KAZN: variants seen among roughly 807,000 people sequenced by gnomAD.
KAZN encodes kazrin, periplakin interacting protein, also known as kazrin.
Under a neutral mutation model 87.4 loss-of-function variants are expected in KAZN, and 40 were observed. That is an observed-to-expected ratio of 0.46 (90% confidence interval 0.36 to 0.60). The LOEUF is 0.60. KAZN is among the 20% of genes least tolerant of loss of function. KAZN has a pLI of 0.00. For missense variants in KAZN, 898 were observed against 1,073.9 expected (o/e 0.84, Z 2.29); for synonymous variants, 466 against 458.3 (o/e 1.02, Z -0.22).
intron 1 of KAZN, among the ~76,000 whole-genome samples, chr1:13,954,278 G>A (rs146714343): frequency 1.8e-4 from 27 of 152,250 alleles, no homozygotes; most frequent in Middle Eastern, 3.4e-3. Context: ...ACACAAAACC[G>A]CATCATGTGT....
At chr1:14,883,005 G>A (rs1325935925) in intron 1 of KAZN, among the ~76,000 whole-genome samples, 1 of 152,044 alleles carries the variant, frequency 6.6e-6, no homozygotes, top group Admixed American at 6.6e-5. Context: ...AACTCAAAAA[G>A]TGGTTCTTGG....
intron 13 of KAZN, among the ~76,000 whole-genome samples, chr1:15,109,949 ATG>A (rs1408411085): frequency 9.9e-5 from 2 of 20,194 alleles, no homozygotes; most frequent in African/African-American, 3.2e-4. Context: ...GTGTTTGTGT[ATG>A]TGTTTGTATA....
At chr1:14,300,374 G>A (rs909921988) in intron 2 of KAZN, among the ~76,000 whole-genome samples, 2 of 152,026 alleles carry the variant, frequency 1.3e-5, no homozygotes, top group African/African-American at 4.8e-5. Context: ...TGGGACCACA[G>A]GTGCTCACTA....
At chr1:14,229,453 CAT>C (rs1022485877) in intron 2 of KAZN, among the ~76,000 whole-genome samples, 7 of 152,126 alleles carry the variant, frequency 4.6e-5, no homozygotes, top group South Asian at 2.1e-4. Flanking sequence ...GTCTGTGTAA[CAT>C]ATTTTATATA....
intron 1 of KAZN, among the ~76,000 whole-genome samples, chr1:14,841,607 A>G (rs1404672168): frequency 6.6e-6 from 1 of 152,062 alleles, no homozygotes; most frequent in Admixed American, 6.6e-5. Context: ...AGGGCTAGAT[A>G]CACCCCTCCC....
chr1:14,639,990 C>T (rs558386189), intron 1 of KAZN, among the ~76,000 whole-genome samples: 5 of 152,236 alleles, frequency 3.3e-5, no homozygotes, highest in African/African-American at 4.8e-5. Flanking sequence ...GATGGTGGCT[C>T]AGCAACGCTA....
At chr1:13,986,613 G>A (rs1421145606) in intron 1 of KAZN, among the ~76,000 whole-genome samples, 1 of 152,216 alleles carries the variant, frequency 6.6e-6, no homozygotes, top group Admixed American at 6.5e-5. Flanking sequence ...GTATACATCA[G>A]TAAGAGTTCT....
chr1:13,940,670 G>C (rs1420994348), intron 1 of KAZN, among the ~76,000 whole-genome samples: 1 of 152,134 alleles, frequency 6.6e-6, no homozygotes, highest in Non-Finnish European at 1.5e-5. Flanking sequence ...AGACACAACA[G>C]AAGAGATTAG....
chr1:14,985,797 T>C (rs1572987600), intron 2 of KAZN, among the ~76,000 whole-genome samples: 1 of 148,940 alleles, frequency 6.7e-6, no homozygotes, highest in Non-Finnish European at 1.5e-5. Context: ...AGGTCAAGAG[T>C]TCAAGACCAG....
chr1:14,332,723 G>A (rs1243795207), intron 2 of KAZN, among the ~76,000 whole-genome samples: 1 of 152,068 alleles, frequency 6.6e-6, no homozygotes, highest in Admixed American at 6.6e-5. Context: ...TATCTGTTTG[G>A]CCTTGGGCAA....
chr1:14,712,223 CAG>C (rs1328610560), intron 1 of KAZN, among the ~76,000 whole-genome samples: 5 of 152,172 alleles, frequency 3.3e-5, no homozygotes, highest in Admixed American at 6.5e-5. Flanking sequence ...GGACACCATA[CAG>C]AGAAGAGATT....
chr1:14,864,649 T>C lies in KAZN; in HGVS notation c.227-96035T>C, dbSNP rs140394521. On this transcript the variant is annotated intron_variant, in intron 1 of 14. Transcript: ENST00000376030. ...GCCCTAAACCTTGAAGTTGAAATGG[T>C]GGCAAAAGCCTGGCAGCTGGTGAAC... 4.1e-3 allele frequency among the ~76,000 whole-genome samples: 628 copies of C among 152,236 alleles called. 8 individuals carry two copies. The highest frequency in any genetic ancestry group is 0.014 in the East Asian group (73 of 5,180).
intron 2 of KAZN, among the ~76,000 whole-genome samples, chr1:14,286,688 C>T (rs1653279068): frequency 6.6e-6 from 1 of 152,144 alleles, no homozygotes; most frequent in Non-Finnish European, 1.5e-5. Context: ...TCTAAGCCCA[C>T]TTTGTAGACA....
At chr1:14,577,601 G>T (rs1332324262) in intron 2 of KAZN, among the ~76,000 whole-genome samples, 2 of 152,160 alleles carry the variant, frequency 1.3e-5, no homozygotes, top group African/African-American at 4.8e-5. Flanking sequence ...CCCTTCAGCT[G>T]CTAGTGGTCA....
chr1:14,624,682 A>G (rs1459311447), intron 1 of KAZN, among the ~76,000 whole-genome samples: 1 of 152,240 alleles, frequency 6.6e-6, no homozygotes, highest in East Asian at 1.9e-4. Context: ...AAGAGAGTTC[A>G]TTCATTTGTT....
intron 2 of KAZN, among the ~76,000 whole-genome samples, chr1:14,481,077 T>C (rs2486763): frequency 0.96 from 145,441 of 151,932 alleles, 69,677 homozygotes; most frequent in African/African-American, 0.99. Flanking sequence ...CTTTGCTCTG[T>C]TTTTTCTAAC....
rs1284623082 is a variant in KAZN at position 14,589,863 on chromosome 1, A to G, written c.250-9120A>G. On this transcript the variant is annotated intron_variant, in intron 2 of 16. Transcript: ENST00000636203. ...AGAGGACTTATTCGGTGAGTAAAGCATCCTGGGAGTAGAAAGAAATGAACT... is the reference window on the plus strand; with the variant it reads ...AGAGGACTTATTCGGTGAGTAAAGCGTCCTGGGAGTAGAAAGAAATGAACT... 3.3e-5 allele frequency among the ~76,000 whole-genome samples: 5 copies of G among 152,154 alleles called. No individual in the cohort carries two copies. The East Asian group carries it at 9.6e-4, about 29-fold the overall frequency.
intron 1 of KAZN, among the ~76,000 whole-genome samples, chr1:14,729,962 G>T (rs965942005): frequency 1.3e-5 from 2 of 152,100 alleles, no homozygotes; most frequent in Non-Finnish European, 2.9e-5. Context: ...ACGCCCATTC[G>T]TTCCTGTATT....
At chr1:14,655,349 T>A (rs1235698692) in intron 1 of KAZN, among the ~76,000 whole-genome samples, 2 of 152,222 alleles carry the variant, frequency 1.3e-5, no homozygotes, top group Non-Finnish European at 2.9e-5. Context: ...TTGGGTTACA[T>A]TGTAACTTGC....
Sources: allele counts gnomAD v4.1 joint callset (sites outside exome capture counted in the v4.1 genomes callset), GRCh38; gene constraint gnomAD v4.1.1; transcripts MANE v1.5; gene names NCBI Gene and HGNC (gene_info 2026-07-23, HGNC 2026-07-21).